CCDC148: variants seen among roughly 807,000 people sequenced by gnomAD.
CCDC148 encodes the protein coiled-coil domain containing 148.
In CCDC148, 89 loss-of-function variants were observed where a neutral mutation model predicts 85.7. The ratio of observed to expected loss-of-function variants is 1.04; its 90% CI spans 0.87 to 1.24. The LOEUF (loss-of-function observed/expected upper bound fraction) is 1.24, where lower values mean the gene tolerates loss of function less well. Ranked by LOEUF, CCDC148 falls within the 50% of genes most tolerant of loss-of-function variation. CCDC148 has a pLI of 0.00. For synonymous variants in CCDC148, 230 were observed against 213.9 expected, an observed-to-expected ratio of 1.08 and a Z score of -0.66; for missense variants, 692 against 671.7, an observed-to-expected ratio of 1.03 and a Z score of -0.33.
chr2:158,212,688 G>A (rs114012730), intron 11 of CCDC148, among the ~76,000 whole-genome samples: 2,307 of 152,184 alleles, frequency 0.015, 27 homozygotes, highest in African/African-American at 0.029. Flanking sequence ...TGCTGCTTTT[G>A]TTTTTTGTAC....
At chr2:158,297,909 T>C (rs1316831166) in intron 9 of CCDC148, among the ~76,000 whole-genome samples, 1 of 152,194 alleles carries the variant, frequency 6.6e-6, no homozygotes, top group African/African-American at 2.4e-5. Context: ...TCTTTATCCA[T>C]CTGAATTAGT....
chr2:158,257,010 G>A (rs1689040350), intron 9 of CCDC148, among the ~76,000 whole-genome samples: 1 of 151,598 alleles, frequency 6.6e-6, no homozygotes, highest in Non-Finnish European at 1.5e-5. Context: ...TACTTCTTGG[G>A]TGACTGCATG....
chr2:158,410,945 A>G (rs1686231551), intron 1 of CCDC148, among the ~76,000 whole-genome samples: 2 of 151,018 alleles, frequency 1.3e-5, no homozygotes, highest in Non-Finnish European at 3.0e-5. Context: ...TAACTACTTT[A>G]TTTTTAAAGG....
At chr2:158,354,800 C>T (rs1382384108) in intron 2 of CCDC148, among the ~76,000 whole-genome samples, 2 of 150,666 alleles carry the variant, frequency 1.3e-5, no homozygotes, top group African/African-American at 2.4e-5. Flanking sequence ...GACCAATATC[C>T]TTGATGAACA....
At chr2:158,331,496 G>A (rs1693115975) in intron 7 of CCDC148, among the ~76,000 whole-genome samples, 2 of 152,190 alleles carry the variant, frequency 1.3e-5, no homozygotes, top group African/African-American at 2.4e-5. Context: ...GATTTGGGGT[G>A]GAGAGTTCTG....
chr2:158,404,625 T>C lies in CCDC148; in HGVS notation c.26-46055A>G, dbSNP rs371678221. Reference sequence around the variant, plus strand: ...AAAACATCCTTAACCATTTTTGAGATCTGTATATACTTTCCTATGTGGTGC... The same window carrying C: ...AAAACATCCTTAACCATTTTTGAGACCTGTATATACTTTCCTATGTGGTGC... On this transcript the variant is annotated intron_variant, in intron 1 of 13. Transcript: ENST00000283233. 9.9e-5 allele frequency among the ~76,000 whole-genome samples: 15 copies of C among 152,266 alleles called. 2 individuals carry two copies. Among genetic ancestry groups the C allele is most frequent in the Admixed American group, 6.5e-4 (10 of 15,270 alleles).
At chr2:158,358,690 T>C (rs1683786795) in intron 1 of CCDC148, 120 bp from the exon 2 acceptor site, 2 of 486,006 alleles carry the variant, frequency 4.1e-6, no homozygotes, top group Admixed American at 4.4e-5. Context: ...TAAGCAAATA[T>C]AAGAAATAAT....
At chr2:158,427,148 A>G (rs1192543941) in intron 1 of CCDC148, among the ~76,000 whole-genome samples, 2 of 152,254 alleles carry the variant, frequency 1.3e-5, no homozygotes, top group East Asian at 1.9e-4. Flanking sequence ...TCAATAAAAT[A>G]TAAGCCTCAT....
chr2:158,211,696 T>C (rs754674152), intron 11 of CCDC148, among the ~76,000 whole-genome samples: 15 of 152,200 alleles, frequency 9.9e-5, no homozygotes, highest in African/African-American at 3.6e-4. Flanking sequence ...GAACCAGAGA[T>C]GTACAGTCAA....
At chr2:158,278,433 CT>C (rs1218221837) in intron 9 of CCDC148, among the ~76,000 whole-genome samples, 3 of 152,208 alleles carry the variant, frequency 2.0e-5, no homozygotes, top group African/African-American at 7.2e-5. Context: ...TAATACCGCA[CT>C]TTTCCGATGG....
intron 10 of CCDC148, among the ~76,000 whole-genome samples, chr2:158,230,590 T>C (rs1380457037): frequency 6.6e-6 from 1 of 152,140 alleles, no homozygotes; most frequent in Non-Finnish European, 1.5e-5. Flanking sequence ...TTGGCCAGGA[T>C]TTAATTCTAG....
chr2:158,301,673 C>A (rs1252589161), intron 9 of CCDC148, among the ~76,000 whole-genome samples: 1 of 152,180 alleles, frequency 6.6e-6, no homozygotes, highest in African/African-American at 2.4e-5. Context: ...GACTAAGAAC[C>A]ACTGTAAGAT....
At chr2:158,376,933 G>A (rs1340055330) in intron 1 of CCDC148, among the ~76,000 whole-genome samples, 1 of 151,940 alleles carries the variant, frequency 6.6e-6, no homozygotes, top group African/African-American at 2.4e-5. Context: ...TTCAGGGAGA[G>A]GCAGTGACTG....
chr2:158,196,780 T>C (rs994478354), intron 11 of CCDC148, among the ~76,000 whole-genome samples: 6 of 152,174 alleles, frequency 3.9e-5, no homozygotes, highest in African/African-American at 1.4e-4. Context: ...CATTGTCTCC[T>C]ATACCCTACT....
At chr2:158,194,214 A>G (rs1325154863) in intron 11 of CCDC148, among the ~76,000 whole-genome samples, 1 of 152,164 alleles carries the variant, frequency 6.6e-6, no homozygotes, top group East Asian at 1.9e-4. Context: ...CCTGTTTCCA[A>G]GCAAGATTTG....
intron 11 of CCDC148, among the ~76,000 whole-genome samples, chr2:158,202,037 C>T (rs753284368): frequency 2.0e-4 from 31 of 151,926 alleles, no homozygotes; most frequent in Admixed American, 3.9e-4. Flanking sequence ...TGAAGCAAAT[C>T]GGGCAAAATA....
intron 1 of CCDC148, among the ~76,000 whole-genome samples, chr2:158,361,029 C>T (rs1455660383): frequency 6.6e-6 from 1 of 151,724 alleles, no homozygotes; most frequent in African/African-American, 2.4e-5. Flanking sequence ...GTGAAGAATA[C>T]ACAACTATCA....
chr2:158,428,039 A>G (rs1053479078), intron 1 of CCDC148, among the ~76,000 whole-genome samples: 2 of 152,130 alleles, frequency 1.3e-5, no homozygotes, highest in Admixed American at 6.5e-5. Context: ...CCTAAAATCA[A>G]TAAGAATCTA....
chr2:158,318,830 C>T (rs975141530), intron 7 of CCDC148, among the ~76,000 whole-genome samples: 1 of 151,740 alleles, frequency 6.6e-6, no homozygotes, highest in Non-Finnish European at 1.5e-5. Flanking sequence ...TGTGCAGTGG[C>T]GTGATCATGG....
Sources: allele counts gnomAD v4.1 joint callset (sites outside exome capture counted in the v4.1 genomes callset), GRCh38; gene constraint gnomAD v4.1.1; transcripts MANE v1.5; gene names NCBI Gene and HGNC (gene_info 2026-07-23, HGNC 2026-07-21).